The following CFAP43 variants were observed in gnomAD, a reference collection of about 807,000 sequenced individuals.
CFAP43 encodes cilia and flagella associated protein 43, also known as cilia- and flagella-associated protein 43.
Under a neutral mutation model 218.9 loss-of-function variants are expected in CFAP43, and 155 were observed. The observed-to-expected ratio is 0.71, with a 90% CI of 0.62 to 0.81. The LOEUF is 0.81. Ranked by LOEUF, CFAP43 falls within the 30% of genes least tolerant of loss-of-function variation. The probability of loss-of-function intolerance (pLI) is 0.00; values close to 1 mark genes in which losing one functional copy is unlikely to be tolerated. For missense variants in CFAP43, 1,778 were observed against 1,954.3 expected (o/e 0.91, Z 1.70); for synonymous variants, 645 against 681.3 (o/e 0.95, Z 0.83).
Position 104,185,100 on chromosome 10 carries a change from A to AT in CFAP43, c.2056dup (p.Ile686AsnfsTer20). 2 of 1,614,138 alleles carry AT rather than the reference A, an allele frequency of 1.2e-6. No homozygotes were observed. The highest frequency in any genetic ancestry group is 1.7e-6 in the Non-Finnish European group (2 of 1,180,032). On this transcript the variant is annotated frameshift_variant, in exon 16 of 38. Transcript: ENST00000357060. LOFTEE classifies it high-confidence loss of function. ...ATCCATTGAAATTCTCATTGACTGA[A>AT]TCCCATGACCCTGGTGAGAATGACT...
At chr10:104,171,161 G>A (rs1051107187) in intron 20 of CFAP43, among the ~76,000 whole-genome samples, 4 of 152,074 alleles carry the variant, frequency 2.6e-5, no homozygotes, top group Non-Finnish European at 5.9e-5. Context: ...ATTTGTTTAC[G>A]GCCTGTCTTC....
chr10:104,219,714 T>C (rs1400143903), intron 3 of CFAP43, among the ~76,000 whole-genome samples: 2 of 152,214 alleles, frequency 1.3e-5, no homozygotes, highest in African/African-American at 4.8e-5. Context: ...GTCACCTACA[T>C]ATAGGGCTGC....
chr10:104,225,679 T>A lies in CFAP43; in HGVS notation c.320-122A>T, dbSNP rs2091289324. ...ACGTAATTCAAAAGCATTTAACTATTAGAATAAGAAAGATCCTGGCTAATT... is the reference window on the plus strand; with the variant it reads ...ACGTAATTCAAAAGCATTTAACTATAAGAATAAGAAAGATCCTGGCTAATT... On this transcript the variant is annotated intron_variant, in intron 2 of 37. Transcript: ENST00000357060. The A allele has an allele frequency of 6.3e-6, 5 of 795,748 alleles. No homozygotes were observed. In the South Asian group the frequency reaches 1.1e-4, roughly 17 times the overall value. 49.3% of individuals were successfully genotyped at this position (795,748 alleles called of 1,614,324 possible).
chr10:104,152,958 T>G (rs2088348345), intron 27 of CFAP43, among the ~76,000 whole-genome samples: 1 of 152,162 alleles, frequency 6.6e-6, no homozygotes, highest in Non-Finnish European at 1.5e-5. Context: ...TTAAAATTAC[T>G]GATCATGGCT....
intron 27 of CFAP43, among the ~76,000 whole-genome samples, chr10:104,157,283 T>G (rs2088599702): frequency 6.6e-6 from 1 of 152,208 alleles, no homozygotes; most frequent in East Asian, 1.9e-4. Flanking sequence ...GAGGGCAATG[T>G]GCATTAAGCT....
intron 3 of CFAP43, among the ~76,000 whole-genome samples, chr10:104,220,243 G>C (rs1358336615): frequency 6.6e-6 from 1 of 152,162 alleles, no homozygotes; most frequent in Non-Finnish European, 1.5e-5. Flanking sequence ...GCCCTCAGTA[G>C]GAACCAACCC....
Position 104,230,584 on chromosome 10 carries a change from G to A in CFAP43, c.319+6C>T, listed in dbSNP as rs2091423513. 3.7e-6 allele frequency: 6 copies of A among 1,613,496 alleles called. No homozygotes were observed. In the East Asian group the frequency reaches 1.3e-4, roughly 36 times the overall value. ...TTATGGGCAGAGGAAGGGTTCTCTA[G>A]AATACCTTTCAATTTGGTCCTTCTG... On this transcript the variant is annotated splice_donor_region_variant and intron_variant, in intron 2 of 37. Transcript: ENST00000357060.
chr10:104,131,114 G>A (rs976409258), intron 37 of CFAP43, among the ~76,000 whole-genome samples: 1 of 151,708 alleles, frequency 6.6e-6, no homozygotes, highest in African/African-American at 2.4e-5. Flanking sequence ...CCTGTGTGAC[G>A]GAATCATTCC....
Position 104,179,030 on chromosome 10 carries a change from G to A in CFAP43, c.2459C>T (p.Thr820Ile), listed in dbSNP as rs767556729. 6.2e-7 allele frequency: 1 copy of A among 1,609,780 alleles called. No homozygotes were observed. ...IKQGIKSLSK[T>I]ILNMMEENDK... ...AGAATATGAAATTACAACACTTACAGTTTTGGAAAGTGATTTGATTCCTTG... is the reference window on the plus strand; with the variant it reads ...AGAATATGAAATTACAACACTTACAATTTTGGAAAGTGATTTGATTCCTTG... The change falls in exon 19 of 38, where the codon ACT becomes ATT. Residue 820 changes from threonine to isoleucine, a missense_variant and splice_region_variant. Physicochemically the swap from Thr to Ile is moderately conservative, Grantham distance 89. Around this residue, in one of 3 missense-constraint regions of CFAP43, gnomAD observed 1,553 missense variants for 1,685.2 expected, o/e 0.92. Transcript: ENST00000357060.
chr10:104,186,406 C>T (rs1242982299), intron 14 of CFAP43, among the ~76,000 whole-genome samples: 3 of 152,140 alleles, frequency 2.0e-5, no homozygotes, highest in Non-Finnish European at 4.4e-5. Flanking sequence ...ATAATCTTTG[C>T]TTTTACTAAT....
In CFAP43 at chr10:104,214,251, G is replaced by C. The variant is rs147447570; in HGVS notation, c.584+8C>G. On this transcript the variant is annotated splice_region_variant and intron_variant, in intron 4 of 37. Coordinates refer to ENST00000357060, the MANE Select transcript of CFAP43 (RefSeq NM_025145.7). ...CCATGTTGCTACTGTTGTAACAAAG[G>C]CTCCTACCTTGCTCTGAAACAATGC... 102 of 1,562,788 alleles carry C rather than the reference G, an allele frequency of 6.5e-5. No individual in the cohort carries two copies. The African/African-American group carries it at 1.0e-3, about 16-fold the overall frequency.
chr10:104,216,089 T>C (rs2091003934), intron 3 of CFAP43, among the ~76,000 whole-genome samples: 3 of 152,136 alleles, frequency 2.0e-5, no homozygotes, highest in Non-Finnish European at 4.4e-5. Context: ...GTCTCTCCCC[T>C]CTCCTCAGAG....
chr10:104,151,998 T>G (rs2088281837), intron 28 of CFAP43, among the ~76,000 whole-genome samples: 1 of 152,254 alleles, frequency 6.6e-6, no homozygotes, highest in South Asian at 2.1e-4. Flanking sequence ...TTGATCTTCT[T>G]GCTTTTAGTT....
Position 104,149,333 on chromosome 10 carries a change from A to G in CFAP43, c.3661-1335T>C, listed in dbSNP as rs114353736. Among the ~76,000 whole-genome samples the G allele has an allele frequency of 1.5e-3, 224 of 152,290 alleles. 1 individual carries two copies. The highest frequency in any genetic ancestry group is 5.1e-3 in the African/African-American group (213 of 41,556). ...CGCCCGGGTCCATTAATCCGTTGAG[A>G]GATGCAAAATGGTGAAAATCTGGTT... On this transcript the variant is annotated intron_variant, in intron 28 of 37. Transcript: ENST00000357060.
chr10:104,213,685 G>A (rs578104235), intron 4 of CFAP43, among the ~76,000 whole-genome samples: 3 of 152,012 alleles, frequency 2.0e-5, no homozygotes, highest in East Asian at 1.9e-4. Flanking sequence ...ACAAGCATGC[G>A]CCACCATGCC....
rs35188172 is a variant in CFAP43 at position 104,162,298 on chromosome 10, GT to G, written c.3333+18del. Reference sequence around the variant, plus strand: ...AAGCAAAGAGGGTCTTAGGACCTGTGTTAAGCAAAGCTACATGCCTGTATCA... The same window carrying G: ...AAGCAAAGAGGGTCTTAGGACCTGTGTAAGCAAAGCTACATGCCTGTATCA... On this transcript the variant is annotated intron_variant, in intron 25 of 37. Transcript: ENST00000357060. 294,369 of 1,608,402 alleles carry G rather than the reference GT, an allele frequency of 0.18. 33,864 individuals carry two copies. The highest frequency in any genetic ancestry group is 0.58 in the African/African-American group (43,330 of 74,802).
In CFAP43 at chr10:104,135,965, T is replaced by TGAG. The variant is rs1219325587; in HGVS notation, c.4432-2184_4432-2182dup. ...CTACTTCAAAGAAGAAAACAGGGAC[T>TGAG]GAGGCCAGGCACAGTGGCTCACGCC... is the stretch of plus-strand genomic sequence containing the variant. On this transcript the variant is annotated intron_variant, in intron 34 of 37. Transcript: ENST00000357060. Among the ~76,000 whole-genome samples, 5 of 152,216 alleles carry TGAG rather than the reference T, an allele frequency of 3.3e-5. No individual in the cohort carries two copies. The East Asian group carries it at 9.7e-4, about 29-fold the overall frequency.
In CFAP43 at chr10:104,179,937, T is replaced by C. The variant is rs753772150; in HGVS notation, c.2290-5A>G. 1.7e-5 allele frequency: 27 copies of C among 1,609,886 alleles called. No individual in the cohort carries two copies. Among genetic ancestry groups the C allele is most frequent in the Non-Finnish European group, 2.0e-5 (24 of 1,177,248 alleles). ...GTCAGTGCTTGCCTTCTGTTTCTGA[T>C]ACATGGTAGAAAAAGACAGACATGT... On this transcript the variant is annotated splice_region_variant and splice_polypyrimidine_tract_variant and intron_variant, in intron 17 of 37. Coordinates refer to ENST00000357060, the MANE Select transcript of CFAP43 (RefSeq NM_025145.7).
chr10:104,130,304 C>A lies in CFAP43; in HGVS notation c.4833G>T (p.Gly1611=). The change falls in exon 38 of 38, where the codon GGG becomes GGT. Residue 1611 remains glycine, a splice_region_variant and synonymous_variant. Coordinates refer to ENST00000357060, the MANE Select transcript of CFAP43 (RefSeq NM_025145.7). ...SERKDICNAM[G]SKLTCEKIVK... The stretch of plus-strand genomic sequence containing the variant: ...CAATCTTTTCACAAGTCAGTTTAGA[C>A]CCTATCCCAAAAATGAATAAAGGAA... 2.5e-6 allele frequency: 4 copies of A among 1,603,730 alleles called. No homozygotes were observed. The highest frequency in any genetic ancestry group is 2.5e-6 in the Non-Finnish European group (3 of 1,177,958).
Sources: allele counts gnomAD v4.1 joint callset (sites outside exome capture counted in the v4.1 genomes callset), GRCh38; gene constraint gnomAD v4.1.1; regional missense constraint gnomAD v4.1.1; transcripts MANE v1.5; gene names NCBI Gene and HGNC (gene_info 2026-07-23, HGNC 2026-07-21).